The following SOX5 variants were observed in gnomAD, a reference collection of about 807,000 sequenced individuals.
SOX5 encodes the protein transcription factor SOX-5.
In SOX5, 9 loss-of-function variants were observed where a neutral mutation model predicts 92.0. The observed-to-expected ratio is 0.10, with a 90% CI of 0.06 to 0.17. The LOEUF (loss-of-function observed/expected upper bound fraction) is 0.17. Ranked by LOEUF, SOX5 falls within the 10% of genes least tolerant of loss-of-function variation. The probability of loss-of-function intolerance (pLI) is 1.00; values close to 1 mark genes in which losing one functional copy is unlikely to be tolerated. For synonymous variants in SOX5, 344 were observed against 336.3 expected (o/e 1.02, Z -0.25); for missense variants, 642 against 944.5 (o/e 0.68, Z 4.20).
intron 1 of SOX5, among the ~76,000 whole-genome samples, chr12:24,539,684 G>A (rs1299545289): frequency 1.3e-5 from 2 of 152,054 alleles, no homozygotes; most frequent in African/African-American, 2.4e-5. Flanking sequence ...AAGTCTCTCT[G>A]GCAAACATTT....
At chr12:23,565,040 T>C (rs1031166650) in intron 10 of SOX5, among the ~76,000 whole-genome samples, 1 of 152,142 alleles carries the variant, frequency 6.6e-6, no homozygotes, top group Non-Finnish European at 1.5e-5. Flanking sequence ...GTGTAGGCGA[T>C]AGAAAAGGGA....
intron 6 of SOX5, among the ~76,000 whole-genome samples, chr12:23,709,260 C>T (rs1344675197): frequency 6.6e-6 from 1 of 151,936 alleles, no homozygotes; most frequent in Non-Finnish European, 1.5e-5. Context: ...TGCCATCATC[C>T]CCAGCTAATA....
At chr12:23,668,012 G>A (rs753674193) in intron 6 of SOX5, among the ~76,000 whole-genome samples, 8 of 152,112 alleles carry the variant, frequency 5.3e-5, no homozygotes, top group Non-Finnish European at 8.8e-5. Flanking sequence ...ATTTGCAGAC[G>A]TGCACAAAGC....
chr12:24,167,691 A>G (rs1311624947), intron 4 of SOX5, among the ~76,000 whole-genome samples: 3 of 152,224 alleles, frequency 2.0e-5, no homozygotes, highest in Non-Finnish European at 4.4e-5. Flanking sequence ...AAAAACAGCA[A>G]CGTATTATTC....
At chr12:23,872,961 C>T (rs1595249971) in intron 2 of SOX5, among the ~76,000 whole-genome samples, 1 of 152,128 alleles carries the variant, frequency 6.6e-6, no homozygotes, top group East Asian at 1.9e-4. Flanking sequence ...ATGTTTTTCT[C>T]TAATTGCGTC....
At chr12:23,961,741 T>C (rs1946963354) in intron 4 of SOX5, among the ~76,000 whole-genome samples, 1 of 152,158 alleles carries the variant, frequency 6.6e-6, no homozygotes, top group South Asian at 2.1e-4. Context: ...TTTCACAGCA[T>C]TGTATGTAGT....
At chr12:24,497,323 G>C (rs1019910052) in intron 1 of SOX5, among the ~76,000 whole-genome samples, 1 of 152,182 alleles carries the variant, frequency 6.6e-6, no homozygotes, top group African/African-American at 2.4e-5. Context: ...GTATGTTCCT[G>C]AGTTTCACCT....
At chr12:24,329,272 C>T (rs1259918900) in intron 2 of SOX5, among the ~76,000 whole-genome samples, 1 of 152,140 alleles carries the variant, frequency 6.6e-6, no homozygotes, top group Non-Finnish European at 1.5e-5. Context: ...TTTTAATCGA[C>T]TCACAGTTCT....
chr12:23,583,727 C>A (rs912728337), intron 9 of SOX5, among the ~76,000 whole-genome samples: 4 of 152,024 alleles, frequency 2.6e-5, no homozygotes, highest in Admixed American at 6.6e-5. Context: ...ATGTAAATCT[C>A]CAAAAGCTTT....
At chr12:24,445,817 A>G (rs752656823) in intron 1 of SOX5, among the ~76,000 whole-genome samples, 4 of 152,236 alleles carry the variant, frequency 2.6e-5, no homozygotes, top group Admixed American at 1.3e-4. Context: ...GGGCTTGGAC[A>G]TTGGACATAT....
intron 3 of SOX5, among the ~76,000 whole-genome samples, chr12:24,276,618 G>A (rs551186962): frequency 1.8e-4 from 27 of 152,124 alleles, no homozygotes; most frequent in Non-Finnish European, 4.0e-4. Context: ...CTAGATCTGT[G>A]GTCAAACTTT....
chr12:23,542,746 C>T (rs559475306), intron 13 of SOX5, among the ~76,000 whole-genome samples: 57 of 152,168 alleles, frequency 3.7e-4, no homozygotes, highest in Non-Finnish European at 6.6e-4. Context: ...ATCTTCCCCA[C>T]CTCCACCCTC....
intron 3 of SOX5, among the ~76,000 whole-genome samples, chr12:23,809,680 T>C (rs1303859034): frequency 6.6e-6 from 1 of 151,762 alleles, no homozygotes; most frequent in East Asian, 1.9e-4. Context: ...TCTATAGTTT[T>C]TCCCTTTTTT....
intron 2 of SOX5, among the ~76,000 whole-genome samples, chr12:23,857,735 C>CTTT (rs36116499): frequency 1.4e-5 from 2 of 140,678 alleles, no homozygotes; most frequent in African/African-American, 2.6e-5. Flanking sequence ...TTTTTTCTTT[C>CTTT]TTTTTTTTTT....
rs192252531 is a variant in SOX5 at position 24,144,820 on chromosome 12, C to A, written c.-2+68523G>T. On this transcript the variant is annotated intron_variant, in intron 4 of 4. Coordinates refer to the SOX5 transcript ENST00000446891. Reference sequence around the variant, plus strand: ...ATCCAGCTTGGGTAAAAGAGCAAGACCCTGTCTCAAAAAAAAGAAAAAAAT... The same window carrying A: ...ATCCAGCTTGGGTAAAAGAGCAAGAACCTGTCTCAAAAAAAAGAAAAAAAT... Among the ~76,000 whole-genome samples, 519 of 149,958 alleles carry A rather than the reference C, an allele frequency of 3.5e-3. 2 individuals are homozygous for A. The highest frequency in any genetic ancestry group is 0.012 in the African/African-American group (496 of 41,218).
chr12:24,433,807 G>A (rs1938859450), intron 1 of SOX5, among the ~76,000 whole-genome samples: 2 of 152,138 alleles, frequency 1.3e-5, no homozygotes, highest in African/African-American at 4.8e-5. Context: ...GGGATCGACA[G>A]GGAGGATTAG....
chr12:24,126,620 C>A (rs1212491613), intron 4 of SOX5, among the ~76,000 whole-genome samples: 1 of 152,200 alleles, frequency 6.6e-6, no homozygotes, highest in Non-Finnish European at 1.5e-5. Context: ...ATGAAATAAG[C>A]CACAGAAACA....
At chr12:23,907,437 G>GT (rs1487741615) in intron 1 of SOX5, among the ~76,000 whole-genome samples, 1 of 152,064 alleles carries the variant, frequency 6.6e-6, no homozygotes, top group Non-Finnish European at 1.5e-5. Flanking sequence ...CTATTTGAAA[G>GT]TTTTGTGTAT....
At chr12:23,703,726 G>GCACACACACA (rs1276326866) in intron 6 of SOX5, among the ~76,000 whole-genome samples, 4 of 104,754 alleles carry the variant, frequency 3.8e-5, no homozygotes, top group African/African-American at 2.2e-4. Flanking sequence ...ATTTCTCAGG[G>GCACACACACA]GACACACACA....
Sources: gnomAD v4.1 joint callset for allele counts (sites outside exome capture counted in the v4.1 genomes callset) on GRCh38, gnomAD v4.1.1 for gene constraint, MANE v1.5 for transcripts, NCBI Gene and HGNC (gene_info 2026-07-23, HGNC 2026-07-21) for gene names.